UTRN: variants seen among roughly 807,000 people sequenced by gnomAD.
The protein encoded by UTRN is utrophin.
Under a neutral mutation model 463.9 loss-of-function variants are expected in UTRN, and 283 were observed. The observed-to-expected ratio is 0.61, with a 90% confidence interval of 0.55 to 0.67. The LOEUF (loss-of-function observed/expected upper bound fraction) is 0.67. UTRN is among the 30% of genes least tolerant of loss of function. The pLI is 0.00. For synonymous variants in UTRN, 1,442 were observed against 1,431.5 expected, an observed-to-expected ratio of 1.01 and a Z score of -0.17; for missense variants, 3,922 against 4,084.3, an observed-to-expected ratio of 0.96 and a Z score of 1.08.
intron 2 of UTRN, among the ~76,000 whole-genome samples, chr6:144,390,721 A>T (rs1177394275): frequency 6.6e-6 from 1 of 152,226 alleles, no homozygotes; most frequent in African/African-American, 2.4e-5. Flanking sequence ...GCTCAAATGC[A>T]ACCTGTTCCT....
At chr6:144,407,930 A>G (rs1037586618) in intron 3 of UTRN, among the ~76,000 whole-genome samples, 8 of 152,360 alleles carry the variant, frequency 5.3e-5, no homozygotes, top group Non-Finnish European at 1.0e-4. Flanking sequence ...GCTAAAAATT[A>G]GGAAATTAAA....
chr6:144,569,647 A>G (rs908813728), intron 50 of UTRN, among the ~76,000 whole-genome samples: 10 of 152,166 alleles, frequency 6.6e-5, no homozygotes, highest in Non-Finnish European at 1.3e-4. Context: ...TCCTGGTCCT[A>G]TTGGGTGCAC....
chr6:144,543,012 G>T (rs771543543), intron 46 of UTRN, 142 bp downstream of exon 46: 37 of 739,844 alleles, frequency 5.0e-5, no homozygotes, highest in Middle Eastern at 4.2e-4. Flanking sequence ...GATTTGGAAA[G>T]AACATCTTCT....
At chr6:144,604,066 A>G (rs1215670599) in intron 51 of UTRN, among the ~76,000 whole-genome samples, 1 of 152,222 alleles carries the variant, frequency 6.6e-6, no homozygotes, top group Non-Finnish European at 1.5e-5. Context: ...CTTTAAAATT[A>G]GATACTGTTT....
At chr6:144,821,942 C>CTCAGATGACTAGACACT (rs1562951554) in intron 66 of UTRN, among the ~76,000 whole-genome samples, 8 of 151,882 alleles carry the variant, frequency 5.3e-5, no homozygotes, top group African/African-American at 1.9e-4. Context: ...AGAAAGACAC[C>CTCAGATGACTAGACACT]GTCTCAGATG....
At chr6:144,536,810 A>G (rs1024904354) in intron 43 of UTRN, among the ~76,000 whole-genome samples, 3 of 152,078 alleles carry the variant, frequency 2.0e-5, no homozygotes, top group Non-Finnish European at 2.9e-5. Context: ...CTTATTTGTC[A>G]TATGAGTTCT....
chr6:144,734,375 G>T (rs1789124902), intron 54 of UTRN, among the ~76,000 whole-genome samples: 1 of 152,148 alleles, frequency 6.6e-6, no homozygotes, highest in South Asian at 2.1e-4. Context: ...TTGGATTATT[G>T]ATTTTTAAGA....
intron 51 of UTRN, among the ~76,000 whole-genome samples, chr6:144,663,326 C>T (rs1780061631): frequency 6.6e-6 from 1 of 151,880 alleles, no homozygotes; most frequent in Non-Finnish European, 1.5e-5. Flanking sequence ...GGGAAGAGTT[C>T]ACATTCAAAG....
At chr6:144,292,613 A>G (rs1382389010) in intron 2 of UTRN, among the ~76,000 whole-genome samples, 1 of 152,238 alleles carries the variant, frequency 6.6e-6, no homozygotes, top group African/African-American at 2.4e-5. Flanking sequence ...CTGTATTTTT[A>G]AAAAGCTTCA....
intron 23 of UTRN, among the ~76,000 whole-genome samples, chr6:144,464,350 T>G (rs1315865486): frequency 2.0e-5 from 3 of 151,310 alleles, no homozygotes; most frequent in Non-Finnish European, 4.4e-5. Flanking sequence ...ATGGAGGGGT[T>G]GTGTGTGTGT....
At chr6:144,377,465 A>G (rs1780566123) in intron 2 of UTRN, among the ~76,000 whole-genome samples, 2 of 152,208 alleles carry the variant, frequency 1.3e-5, no homozygotes, top group Admixed American at 1.3e-4. Flanking sequence ...CACTTATCAA[A>G]GTTTGGAGTG....
intron 46 of UTRN, among the ~76,000 whole-genome samples, chr6:144,544,353 A>G (rs1467501937): frequency 6.6e-6 from 1 of 152,182 alleles, no homozygotes; most frequent in Non-Finnish European, 1.5e-5. Context: ...ATTTCTATCT[A>G]GTTCCAAAAT....
intron 51 of UTRN, among the ~76,000 whole-genome samples, chr6:144,605,854 C>G (rs1804790166): frequency 6.6e-6 from 1 of 151,952 alleles, no homozygotes; most frequent in South Asian, 2.1e-4. Flanking sequence ...TTTATGACAG[C>G]TTTTTACTCT....
chr6:144,708,616 T>G, intron 53 of UTRN: 1 of 219,964 alleles, frequency 4.5e-6, no homozygotes, highest in Non-Finnish European at 8.9e-6. Flanking sequence ...CTCTGTGTTT[T>G]GAGAAATCAT....
At chr6:144,826,015 G>GA (rs1780144431) in intron 66 of UTRN, among the ~76,000 whole-genome samples, 2 of 148,694 alleles carry the variant, frequency 1.3e-5, no homozygotes, top group Non-Finnish European at 3.0e-5. Flanking sequence ...GGGGAGGGGA[G>GA]AGGGATAGCA....
At chr6:144,428,994 TGAA>T in intron 8 of UTRN, 101 bp downstream of exon 8, 2 of 731,978 alleles carry the variant, frequency 2.7e-6, no homozygotes, top group South Asian at 4.4e-5. Flanking sequence ...TTATGAGACT[TGAA>T]GAACCTTTTC....
chr6:144,354,553 T>C (rs9496940), intron 2 of UTRN, among the ~76,000 whole-genome samples: 9,666 of 152,246 alleles, frequency 0.063, 1,035 homozygotes, highest in African/African-American at 0.22. Context: ...AGTGCTCTAA[T>C]TGGTACTTTG....
At chr6:144,710,215 A>G (rs1785530483) in intron 53 of UTRN, among the ~76,000 whole-genome samples, 1 of 152,220 alleles carries the variant, frequency 6.6e-6, no homozygotes, top group Admixed American at 6.5e-5. Context: ...CTATGTTCAA[A>G]CACCTAGCGG....
At chr6:144,551,833 T>G (rs1169746268) in intron 48 of UTRN, among the ~76,000 whole-genome samples, 1 of 152,156 alleles carries the variant, frequency 6.6e-6, no homozygotes, top group Non-Finnish European at 1.5e-5. Flanking sequence ...CATTTCCTAG[T>G]CTTCTTACCT....
Sources: allele counts gnomAD v4.1 joint callset (sites outside exome capture counted in the v4.1 genomes callset), GRCh38; gene constraint gnomAD v4.1.1; transcripts MANE v1.5; gene names NCBI Gene and HGNC (gene_info 2026-07-23, HGNC 2026-07-21).